Variants in MAML3 observed in about 807,000 individuals in gnomAD.
MAML3 encodes the protein mastermind-like protein 3.
Under a neutral mutation model 101.9 loss-of-function variants are expected in MAML3, and 27 were observed. That is an observed-to-expected ratio of 0.27 (90% confidence interval 0.20 to 0.37). The LOEUF (loss-of-function observed/expected upper bound fraction) is 0.37, where lower values mean the gene tolerates loss of function less well. MAML3 is among the 10% of genes least tolerant of loss of function. The pLI, the probability that MAML3 is intolerant of heterozygous loss-of-function variation, is 1.00. For missense variants in MAML3, 1,316 were observed against 1,444.9 expected, an observed-to-expected ratio of 0.91 and a Z score of 1.45; for synonymous variants, 501 against 555.9, an observed-to-expected ratio of 0.90 and a Z score of 1.39.
chr4:140,047,644 C>T (rs920947436), intron 1 of MAML3, among the ~76,000 whole-genome samples: 2 of 152,138 alleles, frequency 1.3e-5, no homozygotes, highest in African/African-American at 4.8e-5. Flanking sequence ...TTTTACAGGA[C>T]TTGCCGGCCA....
intron 1 of MAML3, among the ~76,000 whole-genome samples, chr4:139,908,603 C>G (rs532807175): frequency 1.3e-5 from 2 of 152,328 alleles, no homozygotes; most frequent in African/African-American, 4.8e-5. Flanking sequence ...TATTTACTAA[C>G]AGCTCACTAG....
At position 139,864,036 on chromosome 4, in the gene MAML3, A is replaced by G. The variant is rs76816826; in HGVS notation, c.2079+25321T>C. ...ATGTGACAAATACAGGACCAAAGAA[A>G]CTTACAGAAGCTTGTAAAATAATAT... On this transcript the variant is annotated intron_variant, in intron 2 of 4. Transcript: ENST00000509479. Among the ~76,000 whole-genome samples the G allele has an allele frequency of 6.4e-3, 972 of 152,256 alleles. 9 individuals carry two copies. The highest frequency in any genetic ancestry group is 0.023 in the African/African-American group (943 of 41,562).
At chr4:139,934,366 G>A (rs2110731603) in intron 1 of MAML3, among the ~76,000 whole-genome samples, 1 of 152,000 alleles carries the variant, frequency 6.6e-6, no homozygotes, top group Non-Finnish European at 1.5e-5. Context: ...GGAGGGAAAA[G>A]GAGAAAAATA....
At chr4:139,790,115 C>G (rs1380437507) in intron 2 of MAML3, among the ~76,000 whole-genome samples, 1 of 151,058 alleles carries the variant, frequency 6.6e-6, no homozygotes, top group Non-Finnish European at 1.5e-5. Flanking sequence ...ATGGTGTTCT[C>G]ATCTCTGGGG....
At chr4:140,024,645 T>C (rs1004868221) in intron 1 of MAML3, among the ~76,000 whole-genome samples, 2 of 152,148 alleles carry the variant, frequency 1.3e-5, no homozygotes, top group South Asian at 2.1e-4. Context: ...TGTAAAACAA[T>C]AGAACCACCA....
chr4:140,076,898 C>T (rs1284757830), intron 1 of MAML3, among the ~76,000 whole-genome samples: 1 of 151,778 alleles, frequency 6.6e-6, no homozygotes, highest in African/African-American at 2.4e-5. Flanking sequence ...GTGGTTGTTG[C>T]TGTTGTTTTG....
Position 139,818,451 on chromosome 4 carries a change from C to T in MAML3, c.2079+70906G>A, listed in dbSNP as rs141194752. Among the ~76,000 whole-genome samples the T allele has an allele frequency of 3.3e-3, 507 of 152,330 alleles. 4 individuals are homozygous for T. In the South Asian group the frequency reaches 0.04, roughly 12 times the overall value. ...GTGTGCTCATAAATATTTGCTAAAGCAGGACTAATCTCTTCCATGAGATTT... is the reference window on the plus strand; with the variant it reads ...GTGTGCTCATAAATATTTGCTAAAGTAGGACTAATCTCTTCCATGAGATTT... On this transcript the variant is annotated intron_variant, in intron 2 of 4. Transcript: ENST00000509479.
At chr4:139,993,987 T>G (rs2110832406) in intron 1 of MAML3, among the ~76,000 whole-genome samples, 1 of 152,366 alleles carries the variant, frequency 6.6e-6, no homozygotes, top group Middle Eastern at 3.4e-3. Flanking sequence ...ACTTTTACAC[T>G]GAGGCCAAAT....
At chr4:139,926,188 C>T (rs77066646) in intron 1 of MAML3, among the ~76,000 whole-genome samples, 6 of 152,108 alleles carry the variant, frequency 3.9e-5, no homozygotes, top group Non-Finnish European at 4.4e-5. Context: ...TATCTACAAA[C>T]AAGTGGAAAC....
chr4:139,855,985 C>G (rs1731654755), intron 2 of MAML3, among the ~76,000 whole-genome samples: 1 of 152,176 alleles, frequency 6.6e-6, no homozygotes, highest in Admixed American at 6.5e-5. Flanking sequence ...GGACTCAGTC[C>G]CCTTTGTCTG....
intron 1 of MAML3, among the ~76,000 whole-genome samples, chr4:140,130,343 C>T (rs1037025914): frequency 6.6e-6 from 1 of 152,046 alleles, no homozygotes; most frequent in Non-Finnish European, 1.5e-5. Flanking sequence ...ATTTTCTCAC[C>T]CCCATAATTT....
intron 1 of MAML3, among the ~76,000 whole-genome samples, chr4:139,954,680 A>G (rs1467420428): frequency 6.6e-6 from 1 of 152,130 alleles, no homozygotes; most frequent in Admixed American, 6.6e-5. Flanking sequence ...TTTGCGTAAG[A>G]AGTGTCTTTA....
At chr4:139,858,325 T>C (rs557610723) in intron 2 of MAML3, among the ~76,000 whole-genome samples, 9 of 152,356 alleles carry the variant, frequency 5.9e-5, no homozygotes, top group African/African-American at 2.2e-4. Flanking sequence ...ATGTACTGTA[T>C]TCATTATTCC....
chr4:140,069,336 G>C (rs1378205380), intron 1 of MAML3, among the ~76,000 whole-genome samples: 3 of 107,890 alleles, frequency 2.8e-5, no homozygotes, highest in African/African-American at 6.3e-5. Context: ...GAAGGAGAAG[G>C]AGAAGGAGAA....
intron 1 of MAML3, among the ~76,000 whole-genome samples, chr4:139,900,955 G>A (rs1732707241): frequency 6.6e-6 from 1 of 152,180 alleles, no homozygotes; most frequent in Admixed American, 6.5e-5. Context: ...GTTTGTCCTA[G>A]GGCACACAGC....
chr4:140,005,718 G>A (rs902555886), intron 1 of MAML3, among the ~76,000 whole-genome samples: 116 of 152,314 alleles, frequency 7.6e-4, no homozygotes, highest in African/African-American at 2.7e-3. Context: ...TTGTTAATGA[G>A]CGCCATAAAC....
chr4:139,970,182 G>C (rs1734210416), intron 1 of MAML3, among the ~76,000 whole-genome samples: 1 of 152,216 alleles, frequency 6.6e-6, no homozygotes, highest in South Asian at 2.1e-4. Context: ...TTGTGGAAAT[G>C]CAAGGAATCA....
In MAML3 at chr4:139,719,717, T is replaced by A; in HGVS notation, c.3023A>T (p.Gln1008Leu). Residue 1008 changes from glutamine (Q) to leucine (L), a missense_variant, in exon 5 of 5, where the codon CAG (glutamine) becomes CTG (leucine). Physicochemically the swap from Gln to Leu is moderately radical, Grantham distance 113. Coordinates refer to ENST00000509479, the MANE Select transcript of MAML3 (RefSeq NM_018717.5). ...GCCCGTGTTAGCATCCACGACTGAC[T>A]GGCTCAGTCCCTGTGGGAAGTGCTG... ...TKQHFPQGLS[Q>L]SVVDANTGTV... 6.2e-7 allele frequency: 1 copy of A among 1,613,738 alleles called. No individual in the cohort carries two copies. Among genetic ancestry groups the A allele is most frequent in the South Asian group, 1.1e-5 (1 of 91,032 alleles).
intron 2 of MAML3, among the ~76,000 whole-genome samples, chr4:139,754,469 G>C (rs1057320781): frequency 2.6e-5 from 4 of 152,140 alleles, no homozygotes; most frequent in Non-Finnish European, 5.9e-5. Flanking sequence ...ATTGTATAAA[G>C]CTGTTATCAT....
Sources: gnomAD v4.1 joint callset for allele counts (sites outside exome capture counted in the v4.1 genomes callset) on GRCh38, gnomAD v4.1.1 for gene constraint, MANE v1.5 for transcripts, NCBI Gene and HGNC (gene_info 2026-07-23, HGNC 2026-07-21) for gene names.